The following CORO2B variants were observed in gnomAD, a reference collection of about 807,000 sequenced individuals.
CORO2B encodes the protein coronin-2B.
Under a neutral mutation model 58.8 loss-of-function variants are expected in CORO2B, and 26 were observed. That is an observed-to-expected ratio of 0.44 (90% CI 0.32 to 0.61). The LOEUF (loss-of-function observed/expected upper bound fraction) is 0.61. Among genes scored for constraint, CORO2B ranks in the 20% least tolerant of loss-of-function variants. The pLI, the probability that CORO2B is intolerant of heterozygous loss-of-function variation, is 0.04. For missense variants in CORO2B, 460 were observed against 645.1 expected (o/e 0.71, Z 3.11); for synonymous variants, 242 against 253.8 (o/e 0.95, Z 0.44).
chr15:68,607,470 C>T (rs1323981488), intron 1 of CORO2B, among the ~76,000 whole-genome samples: 1 of 152,164 alleles, frequency 6.6e-6, no homozygotes, highest in Non-Finnish European at 1.5e-5. Context: ...GTCACTTCCA[C>T]ACCCAGATTC....
intron 1 of CORO2B, among the ~76,000 whole-genome samples, chr15:68,599,588 T>G (rs907114882): frequency 6.6e-6 from 1 of 152,164 alleles, no homozygotes; most frequent in Non-Finnish European, 1.5e-5. Context: ...TTATTCTTCC[T>G]TTCTTCAATT....
chr15:68,519,434 C>G, the CORO2B span, among the ~76,000 whole-genome samples: 6 of 152,042 alleles, frequency 3.9e-5, no homozygotes, highest in Non-Finnish European at 8.8e-5. Flanking sequence ...TATTTTAAAC[C>G]CCAAAGCTCT....
chr15:68,588,876 C>T (rs1251159983), intron 1 of CORO2B, among the ~76,000 whole-genome samples: 1 of 152,072 alleles, frequency 6.6e-6, no homozygotes, highest in Non-Finnish European at 1.5e-5. Context: ...GTTATGCCTG[C>T]CCTGCTGACC....
chr15:68,531,911 T>C, the CORO2B span, among the ~76,000 whole-genome samples: 1 of 152,074 alleles, frequency 6.6e-6, no homozygotes, highest in African/African-American at 2.4e-5. Flanking sequence ...GTCTTTGTTT[T>C]TGAAGGATAT....
chr15:68,591,379 G>C (rs776929358), intron 1 of CORO2B, among the ~76,000 whole-genome samples: 3 of 152,240 alleles, frequency 2.0e-5, no homozygotes, highest in Non-Finnish European at 4.4e-5. Context: ...AGAACCAGTT[G>C]GGTGCTGCTG....
At chr15:68,533,198 C>T in the CORO2B span, among the ~76,000 whole-genome samples, 2 of 152,238 alleles carry the variant, frequency 1.3e-5, no homozygotes, top group East Asian at 1.9e-4. Flanking sequence ...TTCCCTTCCC[C>T]CTGAGATCAT....
chr15:68,693,105 C>G (rs1325517366), intron 2 of CORO2B, among the ~76,000 whole-genome samples: 2 of 152,200 alleles, frequency 1.3e-5, no homozygotes, highest in East Asian at 3.8e-4. Flanking sequence ...GTGAAATTCT[C>G]CTGGGTCCAG....
chr15:68,641,834 C>T (rs1478253965), intron 1 of CORO2B, among the ~76,000 whole-genome samples: 1 of 152,128 alleles, frequency 6.6e-6, no homozygotes, highest in African/African-American at 2.4e-5. Flanking sequence ...AGCCATCCTC[C>T]CACCTCAGCC....
intron 2 of CORO2B, 136 bp from the exon 3 acceptor site, chr15:68,695,004 C>T (rs1403965987): frequency 8.9e-6 from 6 of 671,272 alleles, no homozygotes; most frequent in Non-Finnish European, 1.5e-5. Context: ...GGCCCAAAAA[C>T]AAAAATAAAA....
intron 1 of CORO2B, among the ~76,000 whole-genome samples, chr15:68,603,002 C>T (rs1900021429): frequency 6.6e-6 from 1 of 152,166 alleles, no homozygotes; most frequent in African/African-American, 2.4e-5. Flanking sequence ...TTAACACCAT[C>T]TGTTTCCCCT....
At chr15:68,672,268 C>T (rs1266656495) in intron 2 of CORO2B, among the ~76,000 whole-genome samples, 1 of 151,812 alleles carries the variant, frequency 6.6e-6, no homozygotes, top group African/African-American at 2.4e-5. Context: ...CAGAATCTCA[C>T]TCTGTCGCCC....
rs1337577740 is a variant in CORO2B at position 68,588,995 on chromosome 15, C to G, written c.15+9718C>G. Among the ~76,000 whole-genome samples, 3 of 152,190 alleles carry G rather than the reference C, an allele frequency of 2.0e-5. No individual in the cohort carries two copies. In the South Asian group the frequency reaches 6.2e-4, roughly 31 times the overall value. On this transcript the variant is annotated intron_variant, in intron 1 of 11. Coordinates refer to ENST00000261861, the MANE Select transcript of CORO2B (RefSeq NM_006091.5). ...GCATACCTGAGTGGCCAACTGATAA[C>G]TTTATCATCACAAATCTTTCTTCTA... is the stretch of plus-strand genomic sequence containing the variant.
intron 3 of CORO2B, among the ~76,000 whole-genome samples, chr15:68,702,883 G>T (rs1388203334): frequency 1.6e-5 from 2 of 124,154 alleles, no homozygotes; most frequent in Non-Finnish European, 3.1e-5. Flanking sequence ...CTGGAGTGCT[G>T]TGACACAATC....
At chr15:68,536,088 AAT>A in the CORO2B span, among the ~76,000 whole-genome samples, 1 of 152,342 alleles carries the variant, frequency 6.6e-6, no homozygotes, top group African/African-American at 2.4e-5. Flanking sequence ...TGAAATAGAA[AAT>A]ATGTTTGATT....
intron 3 of CORO2B, among the ~76,000 whole-genome samples, chr15:68,706,452 C>T (rs546779816): frequency 6.6e-6 from 1 of 152,366 alleles, no homozygotes; most frequent in African/African-American, 2.4e-5. Flanking sequence ...CCACACCCCA[C>T]TGGCTCATAG....
chr15:68,627,070 T>C (rs1030162593), intron 1 of CORO2B, among the ~76,000 whole-genome samples: 1 of 152,230 alleles, frequency 6.6e-6, no homozygotes, highest in African/African-American at 2.4e-5. Context: ...TCTGCCTCTG[T>C]TTCTACGCCT....
chr15:68,535,708 G>A, the CORO2B span, among the ~76,000 whole-genome samples: 7 of 152,102 alleles, frequency 4.6e-5, no homozygotes, highest in Non-Finnish European at 8.8e-5. Flanking sequence ...AACTTCAATC[G>A]CTAGCTCATT....
intron 1 of CORO2B, among the ~76,000 whole-genome samples, chr15:68,623,387 TC>T (rs1266017357): frequency 6.6e-6 from 1 of 152,000 alleles, no homozygotes; most frequent in Non-Finnish European, 1.5e-5. Flanking sequence ...CATTGGAAGG[TC>T]ATGTGGGAGC....
chr15:68,544,683 T>C, the CORO2B span, among the ~76,000 whole-genome samples: 2 of 152,168 alleles, frequency 1.3e-5, no homozygotes, highest in African/African-American at 4.8e-5. Flanking sequence ...TAGATCAGCC[T>C]TGGGTAGGTG....
Sources: allele counts gnomAD v4.1 joint callset (sites outside exome capture counted in the v4.1 genomes callset), GRCh38; gene constraint gnomAD v4.1.1; transcripts MANE v1.5; gene names NCBI Gene and HGNC (gene_info 2026-07-23, HGNC 2026-07-21).